SCARB2: variants seen among roughly 807,000 people sequenced by gnomAD.
SCARB2 encodes scavenger receptor class B member 2.
A neutral mutation model predicts 58.6 loss-of-function variants in SCARB2; 29 were observed. That is an observed-to-expected ratio of 0.49 (90% CI 0.37 to 0.67). The LOEUF is 0.67. Among genes scored for constraint, SCARB2 ranks in the 30% least tolerant of loss-of-function variants. The probability of loss-of-function intolerance (pLI) is 0.00; values close to 1 mark genes in which losing one functional copy is unlikely to be tolerated. For synonymous variants in SCARB2, 195 were observed against 210.1 expected, an observed-to-expected ratio of 0.93 and a Z score of 0.62; for missense variants, 488 against 578.5, an observed-to-expected ratio of 0.84 and a Z score of 1.60.
At chr4:76,219,595 T>A (rs1733272353) in intron 1 of SCARB2, among the ~76,000 whole-genome samples, 1 of 152,148 alleles carries the variant, frequency 6.6e-6, no homozygotes. Flanking sequence ...AAGCCAGGTT[T>A]ACTCAGCATC....
chr4:76,224,089 G>A (rs892647844), intron 1 of SCARB2, among the ~76,000 whole-genome samples: 4 of 152,212 alleles, frequency 2.6e-5, no homozygotes, highest in Admixed American at 6.5e-5. Flanking sequence ...AGAATGTGAC[G>A]TGCATCACAG....
intron 1 of SCARB2, among the ~76,000 whole-genome samples, chr4:76,200,895 C>T (rs953680496): frequency 1.3e-5 from 2 of 152,160 alleles, no homozygotes; most frequent in East Asian, 3.8e-4. Context: ...TGTATGTAGG[C>T]TCCTAACTGG....
At position 76,213,627 on chromosome 4, in the gene SCARB2, G is replaced by C. The variant is rs532836500; in HGVS notation, c.-84C>G. On this transcript the variant is annotated 5_prime_UTR_variant, in exon 1 of 12. Transcript: ENST00000264896. ...AGGGAGGAGCCGCCGCAGAGGCGTCGAAGACCCGGGACCCTTCGGCGCCAC... is the reference window on the plus strand; with the variant it reads ...AGGGAGGAGCCGCCGCAGAGGCGTCCAAGACCCGGGACCCTTCGGCGCCAC... The C allele has an allele frequency of 2.1e-5, 23 of 1,108,082 alleles. No homozygotes were observed. In the African/African-American group the frequency reaches 3.4e-4, roughly 16 times the overall value. 68.6% of individuals were successfully genotyped at this position (1,108,082 alleles called of 1,614,324 possible). A position where few individuals can be genotyped will look rare whatever the true frequency, so the allele number is the denominator to read the frequency against.
rs1732717261 is a variant in SCARB2 at position 76,196,585 on chromosome 4, AC to A, written c.118-722del. Among the ~76,000 whole-genome samples the A allele has an allele frequency of 2.0e-5, 3 of 152,330 alleles. No individual in the cohort carries two copies. The South Asian group carries it at 6.2e-4, about 32-fold the overall frequency. On this transcript the variant is annotated intron_variant, in intron 1 of 11. Transcript: ENST00000264896. ...CCCAGTTTGCCCAGATGAGAGAATA[AC>A]AAGGGGAAGGGCCCAAGAAGGCCAG...
chr4:76,219,238 T>G (rs1294540731), intron 1 of SCARB2, among the ~76,000 whole-genome samples: 1 of 152,240 alleles, frequency 6.6e-6, no homozygotes, highest in Non-Finnish European at 1.5e-5. Flanking sequence ...AATTAGTGTG[T>G]GTGGGAGACA....
intron 1 of SCARB2, among the ~76,000 whole-genome samples, chr4:76,223,348 G>A (rs1733341764): frequency 6.6e-6 from 1 of 152,122 alleles, no homozygotes; most frequent in Admixed American, 6.5e-5. Flanking sequence ...TCTGCATCCT[G>A]GGGAGTGGTA....
intron 1 of SCARB2, among the ~76,000 whole-genome samples, chr4:76,211,723 A>G (rs1434360238): frequency 1.3e-5 from 2 of 152,204 alleles, no homozygotes; most frequent in African/African-American, 4.8e-5. Flanking sequence ...CCCTACAGGT[A>G]ATCCAGGAAA....
rs35069772 is a variant in SCARB2, at chr4:76,195,754, G to A, written c.228C>T (p.Leu76=). The change falls in exon 2 of 12, where the codon CTC becomes CTT. Residue 76 remains leucine (L), a synonymous_variant. Transcript: ENST00000264896. ...FFNVTNPEEI[L]RGETPRVEEV... ...CTTCCACCCGAGGGGTCTCCCCTCT[G>A]AGGATCTCCTCTGGATTGGTGACAT... 61 of 1,613,948 alleles carry A rather than the reference G, an allele frequency of 3.8e-5. No homozygotes were observed. In the African/African-American group the frequency reaches 7.6e-4, roughly 20 times the overall value.
chr4:76,203,080 C>G (rs1292924638), intron 1 of SCARB2, among the ~76,000 whole-genome samples: 6 of 152,150 alleles, frequency 3.9e-5, no homozygotes, highest in Admixed American at 3.3e-4. Flanking sequence ...CAACTTTTGA[C>G]TGTCATGCCT....
At position 76,160,135 on chromosome 4, in the gene SCARB2, T is replaced by C. The variant is rs1475374146; in HGVS notation, c.*1578A>G. Reference sequence around the variant, plus strand: ...GAGGGGAAATATATCACATATTGTTTTAGTGTAGAAAAAGGAAAAATTGTC... The same window carrying C: ...GAGGGGAAATATATCACATATTGTTCTAGTGTAGAAAAAGGAAAAATTGTC... On this transcript the variant is annotated 3_prime_UTR_variant, in exon 12 of 12. Coordinates refer to ENST00000264896, the MANE Select transcript of SCARB2 (RefSeq NM_005506.4). The C allele has an allele frequency of 2.6e-5, 4 of 152,200 alleles. No homozygotes were observed. The highest frequency in any genetic ancestry group is 9.7e-5 in the African/African-American group (4 of 41,446). 9.4% of individuals were successfully genotyped at this position (152,200 alleles called of 1,614,324 possible). A position where few individuals can be genotyped will look rare whatever the true frequency, so the allele number is the denominator to read the frequency against.
At chr4:76,214,359 G>A (rs866676793), upstream of SCARB2, 7 of 450,538 alleles carry the variant, frequency 1.6e-5, no homozygotes, top group African/African-American at 1.4e-4. Context: ...GTCACGTAAG[G>A]GGCATGTGCA....
intron 8 of SCARB2, among the ~76,000 whole-genome samples, chr4:76,169,416 AAAG>A (rs1732082594): frequency 6.6e-6 from 1 of 152,144 alleles, no homozygotes; most frequent in Non-Finnish European, 1.5e-5. Context: ...TAACCTGTAG[AAAG>A]AAGTTTGCCA....
Position 76,174,215 on chromosome 4 carries a change from T to C in SCARB2, c.923A>G (p.Asn308Ser), listed in dbSNP as rs1732196760. Residue 308 changes from asparagine to serine, a missense_variant, in exon 7 of 12, where the codon AAT becomes AGT. By Grantham distance (46) the Asn-to-Ser change is conservative. Transcript: ENST00000264896. ...PAEILANTSD[N>S]AGFCIPEGNC... ...TCCCTCAGGTATACAGAAGCCGGCA[T>C]TGTCTGACGTATTGGCTAATATTTC... 5.6e-6 allele frequency: 9 copies of C among 1,614,190 alleles called. No individual in the cohort carries two copies. The highest frequency in any genetic ancestry group is 5.1e-6 in the Non-Finnish European group (6 of 1,180,032).
rs200248714 is a variant in SCARB2 at position 76,189,863 on chromosome 4, C to T, written c.275+5844G>A. Among the ~76,000 whole-genome samples, 13 of 152,186 alleles carry T rather than the reference C, an allele frequency of 8.5e-5. No individual in the cohort carries two copies. In the East Asian group the frequency reaches 2.1e-3, roughly 25 times the overall value. ...AGAACAGCATGAGGGTAGCTGCCCC[C>T]GTGATTAAATTACCCCCCTGGGTCC... is the stretch of plus-strand genomic sequence containing the variant. On this transcript the variant is annotated intron_variant, in intron 2 of 11. Coordinates refer to ENST00000264896, the MANE Select transcript of SCARB2 (RefSeq NM_005506.4).
In SCARB2 at chr4:76,213,574, C is replaced by G; in HGVS notation, c.-31G>C. 6.3e-7 allele frequency: 1 copy of G among 1,578,678 alleles called. No individual in the cohort carries two copies. Among genetic ancestry groups the G allele is most frequent in the Non-Finnish European group, 8.7e-7 (1 of 1,153,424 alleles). ...GCGCCGCTCACGGGCCGGGCCGGGC[C>G]GCACCCGCCAGGGATCCAACTGCAA... On this transcript the variant is annotated 5_prime_UTR_variant, in exon 1 of 12. Transcript: ENST00000264896.
rs1211173280 is a variant in SCARB2 at position 76,159,181 on chromosome 4, T to C, written c.*2532A>G. 3.3e-5 allele frequency: 5 copies of C among 152,218 alleles called. No homozygotes were observed. The highest frequency in any genetic ancestry group is 1.9e-4 in the East Asian group (1 of 5,198). 9.4% of individuals were successfully genotyped at this position (152,218 alleles called of 1,614,324 possible). ...CTGTCTTGGTTTCTTCCTCTCTAAG[T>C]TGAGGATCATGGTACCAGAAGCTTG... On this transcript the variant is annotated 3_prime_UTR_variant, in exon 12 of 12. Coordinates refer to ENST00000264896, the MANE Select transcript of SCARB2 (RefSeq NM_005506.4).
At chr4:76,182,921 G>A (rs1228625454) in intron 2 of SCARB2, among the ~76,000 whole-genome samples, 4 of 150,396 alleles carry the variant, frequency 2.7e-5, no homozygotes, top group Non-Finnish European at 5.9e-5. Context: ...GTCATTGGAG[G>A]GGCATGCCAA....
upstream of SCARB2, chr4:76,214,570 C>T (rs1733163989): frequency 1.5e-5 from 5 of 332,312 alleles, no homozygotes; most frequent in Non-Finnish European, 3.0e-5. Flanking sequence ...TCTTGGTATC[C>T]TGTTAAAGAT....
In SCARB2 at chr4:76,179,722, T is replaced by C. The variant is rs1732339545; in HGVS notation, c.424-17A>G. ...TATGACAGTCTGCGGAGCAGAGGTATATTAAGACAGCAGCATCCCCTCCAA... is the reference window on the plus strand; with the variant it reads ...TATGACAGTCTGCGGAGCAGAGGTACATTAAGACAGCAGCATCCCCTCCAA... On this transcript the variant is annotated splice_polypyrimidine_tract_variant and intron_variant, in intron 3 of 11. Transcript: ENST00000264896. 1.2e-6 allele frequency: 2 copies of C among 1,602,670 alleles called. No homozygotes were observed. The highest frequency in any genetic ancestry group is 1.7e-6 in the Non-Finnish European group (2 of 1,170,468).
Sources: gnomAD v4.1 joint callset for allele counts (sites outside exome capture counted in the v4.1 genomes callset) on GRCh38, gnomAD v4.1.1 for gene constraint, MANE v1.5 for transcripts, NCBI Gene and HGNC (gene_info 2026-07-23, HGNC 2026-07-21) for gene names.